Variants in MRTFB observed in about 807,000 individuals in gnomAD.
MRTFB encodes myocardin related transcription factor B, also known as myocardin-related transcription factor B.
In MRTFB, 29 loss-of-function variants were observed where a neutral mutation model predicts 104.2. That is an observed-to-expected ratio of 0.28 (90% CI 0.21 to 0.38). The LOEUF (loss-of-function observed/expected upper bound fraction) is 0.38. Among genes scored for constraint, MRTFB ranks in the 10% least tolerant of loss-of-function variants. The pLI, the probability that MRTFB is intolerant of heterozygous loss-of-function variation, is 1.00. For missense variants in MRTFB, 1,270 were observed against 1,341.6 expected, an observed-to-expected ratio of 0.95 and a Z score of 0.83; for synonymous variants, 535 against 519.5, an observed-to-expected ratio of 1.03 and a Z score of -0.41.
At chr16:14,003,640 GCCTCCCTCCCTC>G in the MRTFB span, among the ~76,000 whole-genome samples, 80,282 of 146,572 alleles carry the variant, frequency 0.55, 22,547 homozygotes, top group Middle Eastern at 0.62. Context: ...CTGCCTGCCT[GCCTCCCTCCCTC>G]CCTCCCTCCC....
In MRTFB at chr16:14,074,865, G is replaced by T. The variant is rs1175106824; in HGVS notation, c.-129+3500G>T. Among the ~76,000 whole-genome samples, 3 of 152,164 alleles carry T rather than the reference G, an allele frequency of 2.0e-5. No homozygotes were observed. In the East Asian group the frequency reaches 5.8e-4, roughly 29 times the overall value. ...TAAAACAAATGGAGAATCAATGTTT[G>T]TAAATATAAGAACCATTTTTTTGAA... On this transcript the variant is annotated intron_variant, in intron 1 of 16. Transcript: ENST00000571589.
At chr16:14,027,743 G>T in the MRTFB span, among the ~76,000 whole-genome samples, 1 of 152,136 alleles carries the variant, frequency 6.6e-6, no homozygotes, top group Non-Finnish European at 1.5e-5. Flanking sequence ...CTTTAAAGGG[G>T]ATTCCTTATG....
chr16:14,172,818 A>T (rs1304713607), intron 3 of MRTFB, among the ~76,000 whole-genome samples: 1 of 152,224 alleles, frequency 6.6e-6, no homozygotes, highest in African/African-American at 2.4e-5. Flanking sequence ...GAGGAGGGAA[A>T]GAATGAATTA....
intron 3 of MRTFB, among the ~76,000 whole-genome samples, chr16:14,173,594 G>A (rs1252856668): frequency 2.0e-5 from 3 of 152,194 alleles, no homozygotes; most frequent in Non-Finnish European, 1.5e-5. Context: ...ATGTTTTTCA[G>A]ATTCAAAGTG....
rs536776654 is a variant in MRTFB at position 14,181,601 on chromosome 16, T to C, written c.155-28642T>C. 1.9e-4 allele frequency among the ~76,000 whole-genome samples: 29 copies of C among 152,364 alleles called. No homozygotes were observed. The South Asian group carries it at 6.0e-3, about 32-fold the overall frequency. On this transcript the variant is annotated intron_variant, in intron 3 of 16. Coordinates refer to ENST00000571589, the MANE Select transcript of MRTFB (RefSeq NM_001308142.2). The stretch of plus-strand genomic sequence containing the variant: ...TACCAGAAAAGTATGCCTCAATATT[T>C]ACCCATCTCTTTGCATTTGTTACTA...
intron 8 of MRTFB, among the ~76,000 whole-genome samples, chr16:14,233,781 CAAAAAAAA>C (rs1007606658): frequency 8.0e-5 from 4 of 50,002 alleles, no homozygotes; most frequent in Admixed American, 6.6e-4. Context: ...GACTCCCTCT[CAAAAAAAA>C]AAAAAAAAAA....
At chr16:14,080,890 G>A (rs938058843) in intron 2 of MRTFB, among the ~76,000 whole-genome samples, 17 of 152,072 alleles carry the variant, frequency 1.1e-4, no homozygotes, top group Admixed American at 5.2e-4. Context: ...CCACATTTTC[G>A]TTATCCATTC....
chr16:14,181,454 A>C (rs1260498672), intron 3 of MRTFB, among the ~76,000 whole-genome samples: 1 of 152,184 alleles, frequency 6.6e-6, no homozygotes, highest in Non-Finnish European at 1.5e-5. Context: ...TGTGTGAAGG[A>C]AGTTGCAAAG....
At chr16:14,023,221 TGAGCCCAG>T in the MRTFB span, among the ~76,000 whole-genome samples, 1 of 151,906 alleles carries the variant, frequency 6.6e-6, no homozygotes, top group Admixed American at 6.6e-5. Flanking sequence ...GGAGGTTGCT[TGAGCCCAG>T]GAGTTCAAGA....
intron 9 of MRTFB, among the ~76,000 whole-genome samples, chr16:14,235,634 A>G (rs1023826264): frequency 6.6e-5 from 10 of 152,194 alleles, no homozygotes; most frequent in African/African-American, 2.2e-4. Flanking sequence ...TAGGAAACAG[A>G]CCAGAATTCT....
At position 14,249,683 on chromosome 16, in the gene MRTFB, A is replaced by G. The variant is rs142738205; in HGVS notation, c.2403+602A>G. ...TTCAGTGTCCTCTACACAAATAACT[A>G]CCAAAAAAATTCTCCCGCATTCCCC... On this transcript the variant is annotated intron_variant, in intron 13 of 16. Coordinates refer to ENST00000571589, the MANE Select transcript of MRTFB (RefSeq NM_001308142.2). 2.5e-3 allele frequency among the ~76,000 whole-genome samples: 384 copies of G among 152,326 alleles called. 1 individual carries two copies. The highest frequency in any genetic ancestry group is 8.8e-3 in the African/African-American group (366 of 41,574).
At chr16:14,083,214 A>G (rs1000335727) in intron 2 of MRTFB, among the ~76,000 whole-genome samples, 6 of 151,618 alleles carry the variant, frequency 4.0e-5, no homozygotes, top group African/African-American at 1.2e-4. Flanking sequence ...ATATCCTGCA[A>G]CTTTATTGAA....
At chr16:14,187,431 A>G (rs2039996298) in intron 3 of MRTFB, among the ~76,000 whole-genome samples, 1 of 152,130 alleles carries the variant, frequency 6.6e-6, no homozygotes, top group Non-Finnish European at 1.5e-5. Flanking sequence ...TTCCAGGAAA[A>G]TTCATTTTTT....
chr16:14,152,504 T>A (rs2038664303), intron 3 of MRTFB: 1 of 152,282 alleles, frequency 6.6e-6, no homozygotes, highest in Non-Finnish European at 1.5e-5. Context: ...GTTTTTCAAT[T>A]AATCTGGATC....
chr16:14,121,712 G>A lies in MRTFB; in HGVS notation c.-63-18832G>A, dbSNP rs562902574. Among the ~76,000 whole-genome samples, 10 of 152,158 alleles carry A rather than the reference G, an allele frequency of 6.6e-5. No individual in the cohort carries two copies. The South Asian group carries it at 1.5e-3, about 22-fold the overall frequency. On this transcript the variant is annotated intron_variant, in intron 2 of 16. Coordinates refer to ENST00000571589, the MANE Select transcript of MRTFB (RefSeq NM_001308142.2). ...TTTGCAGACTGTAAAGGTAGCACAC[G>A]CTCATTATAAAAATTTGACGCAATA...
chr16:14,210,408 T>G, intron 4 of MRTFB, 100 bp downstream of exon 4: 1 of 851,364 alleles, frequency 1.2e-6, no homozygotes, highest in Non-Finnish European at 1.8e-6. Flanking sequence ...TGTATCCATT[T>G]AATCAACAAA....
At chr16:14,000,795 G>T in the MRTFB span, among the ~76,000 whole-genome samples, 1 of 152,232 alleles carries the variant, frequency 6.6e-6, no homozygotes, top group Non-Finnish European at 1.5e-5. Context: ...GTATTTGCCA[G>T]TGAGCCACCT....
intron 15 of MRTFB, 37 bp downstream of exon 15, chr16:14,252,539 G>A (rs757372852): frequency 6.2e-7 from 1 of 1,611,890 alleles, no homozygotes; most frequent in East Asian, 2.2e-5. Flanking sequence ...TAAGGCTATG[G>A]TGGATGTGCC....
At chr16:13,996,295 A>AG in the MRTFB span, among the ~76,000 whole-genome samples, 32 of 150,270 alleles carry the variant, frequency 2.1e-4, no homozygotes, top group East Asian at 1.6e-3. Context: ...ACAACAAAGA[A>AG]AAAAAAAAAG....
Sources: allele counts gnomAD v4.1 joint callset (sites outside exome capture counted in the v4.1 genomes callset), GRCh38; gene constraint gnomAD v4.1.1; transcripts MANE v1.5; gene names NCBI Gene and HGNC (gene_info 2026-07-23, HGNC 2026-07-21).